POU3F3: variants seen among roughly 807,000 people sequenced by gnomAD.
POU3F3 encodes the protein POU domain, class 3, transcription factor 3.
In POU3F3, 1 loss-of-function variant was observed where a neutral mutation model predicts 8.6. That is an observed-to-expected ratio of 0.12 (90% confidence interval 0.04 to 0.55). The LOEUF is 0.55. Ranked by LOEUF, POU3F3 falls within the 20% of genes least tolerant of loss-of-function variation. POU3F3 has a pLI of 0.91. For synonymous variants in POU3F3, 418 were observed against 327.4 expected, an observed-to-expected ratio of 1.28 and a Z score of -2.99; for missense variants, 577 against 690.7, an observed-to-expected ratio of 0.84 and a Z score of 1.84.
the POU3F3 span, among the ~76,000 whole-genome samples, chr2:104,892,295 G>A: frequency 6.6e-6 from 1 of 152,208 alleles, no homozygotes; most frequent in Non-Finnish European, 1.5e-5. Flanking sequence ...GACAAGGACA[G>A]CCAACTGCAT....
At chr2:104,860,577 G>A (rs1446076265), downstream of POU3F3, among the ~76,000 whole-genome samples, 13 of 151,748 alleles carry the variant, frequency 8.6e-5, no homozygotes, top group African/African-American at 3.1e-4. Flanking sequence ...ACAAAGTTCT[G>A]TTCCATCAGC....
At chr2:104,922,408 A>C in the POU3F3 span, among the ~76,000 whole-genome samples, 1 of 151,444 alleles carries the variant, frequency 6.6e-6, no homozygotes, top group Non-Finnish European at 1.5e-5. Flanking sequence ...AAAAAAAAAA[A>C]AAAAGAAAGG....
At chr2:104,903,645 G>A in the POU3F3 span, among the ~76,000 whole-genome samples, 1 of 152,164 alleles carries the variant, frequency 6.6e-6, no homozygotes, top group Non-Finnish European at 1.5e-5. Flanking sequence ...CACGCAAATG[G>A]CACCAGGCAT....
In POU3F3 at chr2:104,856,990, G is replaced by C. The variant is rs1288967379; in HGVS notation, c.1480G>C (p.Gly494Arg). The change falls in exon 1 of 1, where the codon GGG becomes CGG. Residue 494 changes from glycine to arginine, a missense_variant. Gly to Arg is a moderately radical substitution (Grantham distance 125). This residue lies in a region of POU3F3 where 35 missense variants were observed against 50.3 expected (regional missense o/e 0.70). Transcript: ENST00000361360. ...CGCCGACACGCCGCCGCCTCACCAC[G>C]GGCTGCAGACGAGCGTTCAGTGAAG... ...VSADTPPPHH[G>R]LQTSVQ 7 of 1,606,678 alleles carry C rather than the reference G, an allele frequency of 4.4e-6. No homozygotes were observed. The highest frequency in any genetic ancestry group is 1.7e-5 in the Admixed American group (1 of 59,334).
At chr2:104,877,733 A>G in the POU3F3 span, among the ~76,000 whole-genome samples, 2 of 143,460 alleles carry the variant, frequency 1.4e-5, no homozygotes, top group African/African-American at 2.6e-5. Context: ...ATCTTGTCTC[A>G]CTGCAACCTC....
chr2:104,853,422 G>A (rs905511577), upstream of POU3F3: 18 of 152,346 alleles, frequency 1.2e-4, no homozygotes, highest in Admixed American at 3.3e-4. Flanking sequence ...GCGGAAAGTT[G>A]CGGTGGCGGA....
At chr2:104,911,808 G>GCACT in the POU3F3 span, among the ~76,000 whole-genome samples, 1 of 151,954 alleles carries the variant, frequency 6.6e-6, no homozygotes, top group Non-Finnish European at 1.5e-5. Flanking sequence ...CCAAACAAGT[G>GCACT]GTCTCGAGAG....
chr2:104,872,432 A>C, the POU3F3 span: 2 of 429,350 alleles, frequency 4.7e-6, no homozygotes, highest in South Asian at 3.3e-5. The surrounding 1 kb of genome is among the most constrained non-coding windows in gnomAD (Gnocchi z 4.6). Context: ...TCCTGCTTCC[A>C]ACTGCGATTT....
the POU3F3 span, among the ~76,000 whole-genome samples, chr2:104,924,548 G>T: frequency 2.0e-5 from 3 of 152,152 alleles, no homozygotes; most frequent in Non-Finnish European, 2.9e-5. Context: ...TCTCCAAGAA[G>T]CATCACATTT....
chr2:104,924,394 G>A, the POU3F3 span, among the ~76,000 whole-genome samples: 1 of 152,210 alleles, frequency 6.6e-6, no homozygotes, highest in Non-Finnish European at 1.5e-5. Flanking sequence ...ATGGGGAGGG[G>A]AGTAAACTCA....
the POU3F3 span, among the ~76,000 whole-genome samples, chr2:104,891,911 A>G: frequency 6.6e-6 from 1 of 152,336 alleles, no homozygotes; most frequent in Admixed American, 6.5e-5. Context: ...TTTTGGTTGG[A>G]TAAATACATT....
At chr2:104,926,187 AT>A in the POU3F3 span, 1 of 152,228 alleles carries the variant, frequency 6.6e-6, no homozygotes, top group Non-Finnish European at 1.5e-5. Flanking sequence ...ATGGGAGAAA[AT>A]TTTTGCCATC....
chr2:104,871,935 C>G, the POU3F3 span, among the ~76,000 whole-genome samples: 2 of 152,244 alleles, frequency 1.3e-5, no homozygotes, highest in African/African-American at 4.8e-5. Context: ...CAGCGACGGC[C>G]AGCGAAAGTT....
the POU3F3 span, among the ~76,000 whole-genome samples, chr2:104,910,063 A>T: frequency 6.6e-6 from 1 of 152,260 alleles, no homozygotes; most frequent in Middle Eastern, 3.4e-3. Context: ...CATTTTTGTT[A>T]TTGTATAGAT....
chr2:104,856,408 G>A lies in POU3F3; in HGVS notation c.898G>A (p.Gly300Ser). The A allele has an allele frequency of 1.9e-6, 3 of 1,590,286 alleles. No individual in the cohort carries two copies. Among genetic ancestry groups the A allele is most frequent in the Non-Finnish European group, 2.6e-6 (3 of 1,169,656 alleles). ...CCCGCACCACGGCGGCGGCGGCGGC[G>A]GCGCGGGGCCTGGACTCAACAGCCA... Reference protein sequence around the residue: ...GPPHHGGGGGGAGPGLNSHDP... With the variant: ...GPPHHGGGGGSAGPGLNSHDP... Residue 300 changes from glycine (G) to serine (S), a missense_variant, in exon 1 of 1, where the codon GGC (glycine) becomes AGC (serine). Gly to Ser is a moderately conservative substitution (Grantham distance 56). Around this residue, in one of 7 missense-constraint regions of POU3F3, gnomAD observed 484 missense variants for 422.6 expected, o/e 1.15. Coordinates refer to ENST00000361360, the MANE Select transcript of POU3F3 (RefSeq NM_006236.3).
At chr2:104,909,892 G>A in the POU3F3 span, among the ~76,000 whole-genome samples, 1 of 151,560 alleles carries the variant, frequency 6.6e-6, no homozygotes, top group Non-Finnish European at 1.5e-5. Context: ...TAATTCTTAG[G>A]GAAATTGTCA....
At chr2:104,895,059 G>A in the POU3F3 span, among the ~76,000 whole-genome samples, 7 of 46,018 alleles carry the variant, frequency 1.5e-4, no homozygotes, top group Non-Finnish European at 2.3e-4. Flanking sequence ...GTGTGCACAG[G>A]TGAGTGTGTG....
At chr2:104,913,649 T>G in the POU3F3 span, among the ~76,000 whole-genome samples, 4 of 152,162 alleles carry the variant, frequency 2.6e-5, no homozygotes, top group African/African-American at 9.7e-5. Context: ...TAAGGTTGGG[T>G]CACCAAGGCC....
At chr2:104,906,706 T>C in the POU3F3 span, among the ~76,000 whole-genome samples, 1 of 152,204 alleles carries the variant, frequency 6.6e-6, no homozygotes, top group Non-Finnish European at 1.5e-5. Flanking sequence ...TTTCTCCATA[T>C]AGATTTTGGA....
Sources: allele counts gnomAD v4.1 joint callset (sites outside exome capture counted in the v4.1 genomes callset), GRCh38; gene constraint gnomAD v4.1.1; regional missense constraint gnomAD v4.1.1; non-coding constraint Gnocchi (gnomAD v3.1); transcripts MANE v1.5; gene names NCBI Gene and HGNC (gene_info 2026-07-23, HGNC 2026-07-21).